Variants in SUZ12 observed in about 807,000 individuals in gnomAD.
SUZ12 encodes polycomb protein SUZ12.
Under a neutral mutation model 87.3 loss-of-function variants are expected in SUZ12, and 17 were observed. The ratio of observed to expected loss-of-function variants is 0.19; its 90% CI spans 0.13 to 0.29. SUZ12 has a LOEUF of 0.29. Among genes scored for constraint, SUZ12 ranks in the 10% least tolerant of loss-of-function variants. The probability of loss-of-function intolerance (pLI) is 1.00; values close to 1 mark genes in which losing one functional copy is unlikely to be tolerated. For missense variants in SUZ12, 526 were observed against 912.2 expected, an observed-to-expected ratio of 0.58 and a Z score of 5.45; for synonymous variants, 253 against 312.4, an observed-to-expected ratio of 0.81 and a Z score of 2.01.
intron 13 of SUZ12, 72 bp downstream of exon 13, chr17:31,994,793 G>A (rs1909888689): frequency 6.6e-7 from 1 of 1,516,136 alleles, no homozygotes; most frequent in African/African-American, 1.4e-5. Context: ...AAAGGAGCCA[G>A]ATGAAGCTAC....
intron 10 of SUZ12, among the ~76,000 whole-genome samples, chr17:31,990,057 C>T (rs1219731729): frequency 1.3e-5 from 2 of 151,210 alleles, no homozygotes; most frequent in Non-Finnish European, 2.9e-5. Flanking sequence ...TGGGTTCATG[C>T]CAATTTCCTG....
chr17:31,945,435 A>G (rs1220052474), intron 3 of SUZ12, among the ~76,000 whole-genome samples: 1 of 152,182 alleles, frequency 6.6e-6, no homozygotes, highest in East Asian at 1.9e-4. Context: ...ACAAAGTAAA[A>G]ATATAGGTCA....
chr17:31,962,584 C>G (rs544188882), intron 4 of SUZ12, among the ~76,000 whole-genome samples: 1 of 152,318 alleles, frequency 6.6e-6, no homozygotes, highest in African/African-American at 2.4e-5. Context: ...CAACGAGACC[C>G]TGTCTGAAAG....
At chr17:31,971,332 T>C (rs1373612903) in intron 5 of SUZ12, among the ~76,000 whole-genome samples, 1 of 152,060 alleles carries the variant, frequency 6.6e-6, no homozygotes, top group Non-Finnish European at 1.5e-5. Flanking sequence ...CTGATTTAAT[T>C]CAAATGTTAT....
rs1567839763 is a variant in SUZ12 at position 31,995,524 on chromosome 17, A to G, written c.1596-40A>G. Reference sequence around the variant, plus strand: ...CTAGTCGTGAGGTTAGATGGTATACATGTAGAGGCCATAAATCAACATTTA... The same window carrying G: ...CTAGTCGTGAGGTTAGATGGTATACGTGTAGAGGCCATAAATCAACATTTA... On this transcript the variant is annotated intron_variant, in intron 13 of 15. Coordinates refer to ENST00000322652, the MANE Select transcript of SUZ12 (RefSeq NM_015355.4). 3.2e-6 allele frequency: 5 copies of G among 1,550,054 alleles called. No individual in the cohort carries two copies. The Admixed American group carries it at 5.0e-5, about 16-fold the overall frequency.
At chr17:31,992,090 A>C (rs1388904306) in intron 10 of SUZ12, among the ~76,000 whole-genome samples, 1 of 151,644 alleles carries the variant, frequency 6.6e-6, no homozygotes, top group Non-Finnish European at 1.5e-5. Context: ...TCAGGAGTTC[A>C]AGACCAGCCT....
At chr17:31,954,296 C>T (rs1290265176) in intron 4 of SUZ12, among the ~76,000 whole-genome samples, 2 of 151,604 alleles carry the variant, frequency 1.3e-5, no homozygotes, top group African/African-American at 2.4e-5. Context: ...CTCCTGACCT[C>T]GTGTTCTGCC....
At chr17:31,997,539 T>G (rs117053488) in intron 15 of SUZ12, among the ~76,000 whole-genome samples, 2,656 of 152,120 alleles carry the variant, frequency 0.017, 39 homozygotes, top group South Asian at 0.052. Context: ...GTCACACACC[T>G]GTAATCCCAG....
intron 9 of SUZ12, among the ~76,000 whole-genome samples, chr17:31,984,515 T>C (rs1909297417): frequency 6.6e-6 from 1 of 152,220 alleles, no homozygotes; most frequent in Non-Finnish European, 1.5e-5. Context: ...GGGTTAAAAT[T>C]AGTCATTTTT....
intron 4 of SUZ12, among the ~76,000 whole-genome samples, chr17:31,954,921 C>T (rs1481910768): frequency 6.6e-6 from 1 of 152,168 alleles, no homozygotes; most frequent in Non-Finnish European, 1.5e-5. Context: ...CAGGGCCAGA[C>T]AGTGCATTGT....
At chr17:31,990,610 C>T (rs1909671704) in intron 10 of SUZ12, among the ~76,000 whole-genome samples, 1 of 152,048 alleles carries the variant, frequency 6.6e-6, no homozygotes, top group Non-Finnish European at 1.5e-5. Context: ...GGAGATCCAC[C>T]CATCTCGGCC....
At chr17:31,988,585 T>C in intron 10 of SUZ12, 88 bp downstream of exon 10, 1 of 1,321,170 alleles carries the variant, frequency 7.6e-7, no homozygotes, top group Admixed American at 3.1e-5. Context: ...TGTTTTGCTT[T>C]ATGTGATTCT....
At chr17:31,939,058 C>CT (rs1458492972) in intron 1 of SUZ12, among the ~76,000 whole-genome samples, 1 of 152,136 alleles carries the variant, frequency 6.6e-6, no homozygotes, top group Non-Finnish European at 1.5e-5. Flanking sequence ...TTTTCATCGA[C>CT]TTAAGTCCTG....
At chr17:31,993,681 C>G (rs1443481387) in intron 11 of SUZ12, among the ~76,000 whole-genome samples, 184 bp from the exon 12 acceptor site, 1 of 152,128 alleles carries the variant, frequency 6.6e-6, no homozygotes, top group Middle Eastern at 3.2e-3. Flanking sequence ...GCCTTGGCCT[C>G]CCAAAATGCT....
In SUZ12 at chr17:31,988,373, T is replaced by A. The variant is rs769058938; in HGVS notation, c.1077T>A (p.Leu359=). Residue 359 remains leucine, a synonymous_variant, in exon 10 of 16, where the codon CTT becomes CTA. Coordinates refer to ENST00000322652, the MANE Select transcript of SUZ12 (RefSeq NM_015355.4). Reference sequence around the variant, plus strand: ...AGGGACCTACGTTGCAGTTCACTCTTCGTTGGACAGGAGAGACCAATGATA... The same window carrying A: ...AGGGACCTACGTTGCAGTTCACTCTACGTTGGACAGGAGAGACCAATGATA... ...FSQGPTLQFT[L]RWTGETNDKS... is the part of the protein sequence containing the mutation. The A allele has an allele frequency of 1.9e-6, 3 of 1,608,424 alleles. No individual in the cohort carries two copies. In the East Asian group the frequency reaches 6.7e-5, roughly 36 times the overall value.
At position 31,989,637 on chromosome 17, in the gene SUZ12, T is replaced by C. The variant is rs967576975; in HGVS notation, c.1201+1140T>C. On this transcript the variant is annotated intron_variant, in intron 10 of 15. Coordinates refer to ENST00000322652, the MANE Select transcript of SUZ12 (RefSeq NM_015355.4). ...TTTTTGAGACGAAGTCTCACTCTGT[T>C]GCCCAGACTGGAGTGCAGTGGCTTA... Among the ~76,000 whole-genome samples the C allele has an allele frequency of 2.1e-4, 32 of 152,154 alleles. 1 individual carries two copies. Among genetic ancestry groups the C allele is most frequent in the Admixed American group, 6.5e-5 (1 of 15,286 alleles).
intron 13 of SUZ12, 80 bp from the exon 14 acceptor site, chr17:31,995,484 C>A: frequency 8.7e-7 from 1 of 1,144,738 alleles, no homozygotes; most frequent in Non-Finnish European, 1.3e-6. Context: ...TGCAGATTAT[C>A]ACAGATCTCA....
intron 4 of SUZ12, among the ~76,000 whole-genome samples, chr17:31,955,519 C>T (rs1265734865): frequency 6.6e-5 from 10 of 151,980 alleles, no homozygotes; most frequent in Non-Finnish European, 1.2e-4. Context: ...GAGGCCGAGG[C>T]GGGCGGATCA....
intron 9 of SUZ12, among the ~76,000 whole-genome samples, chr17:31,986,186 C>T (rs1338823979): frequency 1.3e-5 from 2 of 152,178 alleles, no homozygotes; most frequent in Non-Finnish European, 2.9e-5. Context: ...AGGTTTTCCA[C>T]CCACTTCGGC....
Sources: gnomAD v4.1 joint callset for allele counts (sites outside exome capture counted in the v4.1 genomes callset) on GRCh38, gnomAD v4.1.1 for gene constraint, MANE v1.5 for transcripts, NCBI Gene and HGNC (gene_info 2026-07-23, HGNC 2026-07-21) for gene names.